Variants in WDR64 observed in about 807,000 individuals in gnomAD.
The protein encoded by WDR64 is WD repeat domain 64, also known as WD repeat-containing protein 64.
WDR64 carries 112 observed loss-of-function variants against 139.3 expected under a neutral mutation model. That is an observed-to-expected ratio of 0.80 (90% confidence interval 0.69 to 0.94). The LOEUF is 0.94. Ranked by LOEUF, WDR64 falls within the 40% of genes least tolerant of loss-of-function variation. The probability of loss-of-function intolerance (pLI) is 0.00; values close to 1 mark genes in which losing one functional copy is unlikely to be tolerated. For missense variants in WDR64, 1,206 were observed against 1,293.1 expected, an observed-to-expected ratio of 0.93 and a Z score of 1.03; for synonymous variants, 444 against 437.7, an observed-to-expected ratio of 1.01 and a Z score of -0.18.
chr1:241,679,897 T>C (rs1427139692), intron 6 of WDR64, among the ~76,000 whole-genome samples: 1 of 152,196 alleles, frequency 6.6e-6, no homozygotes, highest in Non-Finnish European at 1.5e-5. Flanking sequence ...GGTATACTCA[T>C]GTTATCAAGT....
intron 15 of WDR64, among the ~76,000 whole-genome samples, chr1:241,764,318 C>G (rs1164043203): frequency 2.6e-5 from 4 of 152,070 alleles, no homozygotes; most frequent in African/African-American, 4.8e-5. Flanking sequence ...GGACTAAAGG[C>G]AGAAGATTCA....
intron 21 of WDR64, among the ~76,000 whole-genome samples, chr1:241,778,453 A>T (rs1436736608): frequency 2.6e-5 from 4 of 151,990 alleles, no homozygotes; most frequent in African/African-American, 9.7e-5. Context: ...TCACTCTGAC[A>T]CTCTCTTTGT....
intron 25 of WDR64, among the ~76,000 whole-genome samples, chr1:241,793,834 T>C (rs1659277458): frequency 6.6e-6 from 1 of 152,262 alleles, no homozygotes; most frequent in African/African-American, 2.4e-5. Flanking sequence ...AAAGGCTCCA[T>C]GTCTCCCTGC....
chr1:241,744,578 ACT>A (rs1411044139), intron 13 of WDR64, 62 bp downstream of exon 13: 6 of 1,599,170 alleles, frequency 3.8e-6, no homozygotes, highest in Admixed American at 1.7e-5. Context: ...TCCGCCAAAA[ACT>A]CTTTCGTTCT....
At chr1:241,754,320 C>CTTT (rs71174845) in intron 14 of WDR64, among the ~76,000 whole-genome samples, 7 of 81,844 alleles carry the variant, frequency 8.6e-5, no homozygotes, top group African/African-American at 1.3e-4. Context: ...TTTTCTTTTT[C>CTTT]TTTTTTTTTT....
chr1:241,781,623 G>C (rs1658847795), intron 22 of WDR64, among the ~76,000 whole-genome samples: 1 of 152,220 alleles, frequency 6.6e-6, no homozygotes. Context: ...TCCACAGAAA[G>C]AGAGACCACA....
At chr1:241,783,634 G>GT (rs894462339) in intron 23 of WDR64, among the ~76,000 whole-genome samples, 30 of 152,144 alleles carry the variant, frequency 2.0e-4, no homozygotes, top group African/African-American at 4.8e-4. Flanking sequence ...TAAAAGTGAA[G>GT]TTTTTTTTGT....
intron 13 of WDR64, among the ~76,000 whole-genome samples, chr1:241,746,761 C>CT (rs34375079): frequency 0.3 from 42,756 of 141,960 alleles, 7,184 homozygotes; most frequent in East Asian, 0.5. Context: ...CATTTCAGTT[C>CT]TTTTTTTTTT....
At chr1:241,700,482 C>T (rs904297830) in intron 8 of WDR64, among the ~76,000 whole-genome samples, 3 of 152,066 alleles carry the variant, frequency 2.0e-5, no homozygotes, top group Non-Finnish European at 4.4e-5. Context: ...TGGTGAAGAT[C>T]AAATCATACA....
intron 16 of WDR64, among the ~76,000 whole-genome samples, chr1:241,767,821 C>G (rs1223129395): frequency 2.0e-5 from 3 of 152,144 alleles, no homozygotes; most frequent in African/African-American, 4.8e-5. Context: ...TGCAGACCCC[C>G]CTTTCTGCAC....
chr1:241,733,645 T>C (rs1236972030), intron 10 of WDR64, among the ~76,000 whole-genome samples: 1 of 149,872 alleles, frequency 6.7e-6, no homozygotes, highest in African/African-American at 2.4e-5. Context: ...ATTTAATTTA[T>C]TACTTATATA....
intron 10 of WDR64, among the ~76,000 whole-genome samples, chr1:241,737,324 G>A (rs1440848119): frequency 1.3e-5 from 2 of 152,144 alleles, no homozygotes; most frequent in Non-Finnish European, 2.9e-5. Flanking sequence ...TACATATGAG[G>A]ACTAACTTGC....
At chr1:241,701,954 T>C (rs1376580001) in intron 8 of WDR64, among the ~76,000 whole-genome samples, 1 of 152,192 alleles carries the variant, frequency 6.6e-6, no homozygotes, top group African/African-American at 2.4e-5. Flanking sequence ...TGGGAGCCAA[T>C]AGCTCCCAAG....
chr1:241,700,782 T>G (rs772536117), intron 8 of WDR64, among the ~76,000 whole-genome samples: 4 of 152,194 alleles, frequency 2.6e-5, no homozygotes, highest in Non-Finnish European at 4.4e-5. Flanking sequence ...TCAAATAAGC[T>G]GAGATGGTGA....
intron 25 of WDR64, among the ~76,000 whole-genome samples, chr1:241,791,130 T>TA (rs11399201): frequency 0.99 from 150,907 of 152,030 alleles, 74,908 homozygotes; most frequent in Middle Eastern, 1. Context: ...CTATTAAAAG[T>TA]AAAAAATCTG....
At chr1:241,682,022 G>A (rs1427021501) in intron 6 of WDR64, among the ~76,000 whole-genome samples, 2 of 152,052 alleles carry the variant, frequency 1.3e-5, no homozygotes, top group Non-Finnish European at 2.9e-5. Context: ...GTAGATTCTG[G>A]ATATTAGTCC....
At chr1:241,771,523 CAAA>C in intron 18 of WDR64, 135 bp from the exon 19 acceptor site, 1 of 521,750 alleles carries the variant, frequency 1.9e-6, no homozygotes, top group Non-Finnish European at 3.1e-6. Flanking sequence ...ACATTTTTTT[CAAA>C]AAAAAATTAA....
At chr1:241,725,870 C>G (rs12760140) in intron 10 of WDR64, among the ~76,000 whole-genome samples, 1 of 151,966 alleles carries the variant, frequency 6.6e-6, no homozygotes, top group Non-Finnish European at 1.5e-5. Context: ...CTCTGTCGTC[C>G]GGGCTAGAGT....
At chr1:241,660,983 T>C (rs1480880344) in intron 2 of WDR64, among the ~76,000 whole-genome samples, 3 of 152,340 alleles carry the variant, frequency 2.0e-5, no homozygotes, top group East Asian at 3.9e-4. Flanking sequence ...TTCTTTTCAA[T>C]GGGTTCAATG....
Sources: gnomAD v4.1 joint callset for allele counts (sites outside exome capture counted in the v4.1 genomes callset) on GRCh38, gnomAD v4.1.1 for gene constraint, MANE v1.5 for transcripts, NCBI Gene and HGNC (gene_info 2026-07-23, HGNC 2026-07-21) for gene names.